Variants in GALNTL6 observed in about 807,000 individuals in gnomAD.
GALNTL6 encodes the protein polypeptide N-acetylgalactosaminyltransferase-like 6.
In GALNTL6, 46 loss-of-function variants were observed where a neutral mutation model predicts 73.7. The ratio of observed to expected loss-of-function variants is 0.62; its 90% CI spans 0.49 to 0.80. The LOEUF (loss-of-function observed/expected upper bound fraction) is 0.80, where lower values mean the gene tolerates loss of function less well. Ranked by LOEUF, GALNTL6 falls within the 30% of genes least tolerant of loss-of-function variation. The pLI is 0.00. For missense variants in GALNTL6, 604 were observed against 755.0 expected (o/e 0.80, Z 2.34); for synonymous variants, 259 against 263.7 (o/e 0.98, Z 0.17).
intron 4 of GALNTL6, among the ~76,000 whole-genome samples, chr4:172,339,685 C>T (rs1032137376): frequency 2.0e-5 from 3 of 152,202 alleles, no homozygotes; most frequent in African/African-American, 7.2e-5. Context: ...CCCAAGTTAG[C>T]TCCAAAGCTG....
chr4:172,782,256 A>G (rs1178658597), intron 5 of GALNTL6, among the ~76,000 whole-genome samples: 17 of 152,230 alleles, frequency 1.1e-4, no homozygotes, highest in Admixed American at 1.1e-3. Context: ...TGATAGATTT[A>G]TAGGCGTATG....
chr4:172,928,572 T>A (rs1238325551), intron 8 of GALNTL6, among the ~76,000 whole-genome samples: 1 of 152,230 alleles, frequency 6.6e-6, no homozygotes, highest in African/African-American at 2.4e-5. Context: ...CATCTAGTGA[T>A]ACAGGAAGTC....
At chr4:172,685,759 C>T (rs539701232) in intron 5 of GALNTL6, among the ~76,000 whole-genome samples, 3 of 151,892 alleles carry the variant, frequency 2.0e-5, no homozygotes, top group East Asian at 1.9e-4. Flanking sequence ...CTCAGCCAGG[C>T]GACTTTAGAA....
At chr4:172,610,592 A>G (rs1294211638) in intron 5 of GALNTL6, among the ~76,000 whole-genome samples, 1 of 151,950 alleles carries the variant, frequency 6.6e-6, no homozygotes, top group Non-Finnish European at 1.5e-5. Context: ...ACTGTTGGGA[A>G]TTGCTTTATG....
chr4:172,782,525 AG>A (rs1739423830), intron 5 of GALNTL6, among the ~76,000 whole-genome samples: 1 of 152,152 alleles, frequency 6.6e-6, no homozygotes, highest in Non-Finnish European at 1.5e-5. Flanking sequence ...ATAAAATGGT[AG>A]AGAAAGTTTT....
intron 5 of GALNTL6, among the ~76,000 whole-genome samples, chr4:172,434,754 T>A (rs1731574272): frequency 6.6e-6 from 1 of 152,158 alleles, no homozygotes; most frequent in Non-Finnish European, 1.5e-5. Flanking sequence ...AATATCTTTC[T>A]GAACTAAGAG....
intron 7 of GALNTL6, among the ~76,000 whole-genome samples, chr4:172,861,459 G>A (rs991253230): frequency 6.6e-6 from 1 of 152,092 alleles, no homozygotes; most frequent in Non-Finnish European, 1.5e-5. Flanking sequence ...TAAGACAACT[G>A]TGGTTACCAT....
In GALNTL6 at chr4:172,060,815, G is replaced by A. The variant is rs1207098596; in HGVS notation, c.139-168841G>A. The stretch of plus-strand genomic sequence containing the variant: ...ATAACATTTTTCTGCGTGGATGAAT[G>A]GCTAATACGTACAATGGAACTGACT... On this transcript the variant is annotated intron_variant, in intron 2 of 12. Coordinates refer to ENST00000506823, the MANE Select transcript of GALNTL6 (RefSeq NM_001034845.3). Among the ~76,000 whole-genome samples the A allele has an allele frequency of 2.0e-5, 3 of 152,090 alleles. No individual in the cohort carries two copies. The East Asian group carries it at 5.8e-4, about 29-fold the overall frequency.
intron 12 of GALNTL6, among the ~76,000 whole-genome samples, chr4:173,033,258 C>A (rs1218121653): frequency 6.6e-6 from 1 of 151,972 alleles, no homozygotes; most frequent in Non-Finnish European, 1.5e-5. Context: ...CCGCCTCGGC[C>A]TCCCAAGGTG....
intron 9 of GALNTL6, among the ~76,000 whole-genome samples, chr4:172,934,043 G>A (rs565650266): frequency 3.9e-5 from 6 of 152,272 alleles, no homozygotes; most frequent in African/African-American, 1.4e-4. Flanking sequence ...TAGTTCTTCA[G>A]TACCTTCTAT....
chr4:172,963,419 A>AT (rs966848547), intron 10 of GALNTL6, among the ~76,000 whole-genome samples: 4 of 152,060 alleles, frequency 2.6e-5, no homozygotes, highest in Admixed American at 6.6e-5. Context: ...CATGTAATTT[A>AT]TTTTTTTATC....
chr4:172,242,984 C>T (rs987238241), intron 3 of GALNTL6, among the ~76,000 whole-genome samples: 2 of 152,184 alleles, frequency 1.3e-5, no homozygotes, highest in Admixed American at 1.3e-4. Context: ...CACTCCTCTG[C>T]TCAAATGCCT....
chr4:172,175,148 C>T (rs1484398906), intron 2 of GALNTL6, among the ~76,000 whole-genome samples: 1 of 151,484 alleles, frequency 6.6e-6, no homozygotes. Context: ...ATGATCTCAG[C>T]TCACTGCACT....
At chr4:172,833,186 A>T (rs1742732379) in intron 7 of GALNTL6, among the ~76,000 whole-genome samples, 1 of 152,214 alleles carries the variant, frequency 6.6e-6, no homozygotes, top group Admixed American at 6.5e-5. Context: ...ACCAGACCAT[A>T]AGCTAAGTAT....
intron 3 of GALNTL6, among the ~76,000 whole-genome samples, chr4:172,278,367 T>A (rs1454203542): frequency 6.6e-6 from 1 of 152,202 alleles, no homozygotes; most frequent in Non-Finnish European, 1.5e-5. Context: ...TTCCAATAAC[T>A]ATAAATTGCC....
intron 3 of GALNTL6, among the ~76,000 whole-genome samples, chr4:172,276,142 G>A (rs144759012): frequency 3.3e-5 from 5 of 152,332 alleles, no homozygotes; most frequent in African/African-American, 1.2e-4. Flanking sequence ...GCCATGGGAA[G>A]TTATGGCCAT....
intron 4 of GALNTL6, among the ~76,000 whole-genome samples, chr4:172,326,622 G>T (rs940827480): frequency 6.6e-6 from 1 of 151,894 alleles, no homozygotes; most frequent in African/African-American, 2.4e-5. Flanking sequence ...GGAAGGAGGT[G>T]GCGATCTGGC....
chr4:171,878,003 C>T (rs1027859920), intron 2 of GALNTL6, among the ~76,000 whole-genome samples: 1 of 152,156 alleles, frequency 6.6e-6, no homozygotes, highest in Admixed American at 6.5e-5. Context: ...TCACATCAAA[C>T]ATTATTCTGT....
At chr4:172,208,594 G>T (rs1736220279) in intron 2 of GALNTL6, among the ~76,000 whole-genome samples, 1 of 152,020 alleles carries the variant, frequency 6.6e-6, no homozygotes. Context: ...AAGCTGGGAG[G>T]CGTTGTGTAT....
Sources: gnomAD v4.1 joint callset for allele counts (sites outside exome capture counted in the v4.1 genomes callset) on GRCh38, gnomAD v4.1.1 for gene constraint, MANE v1.5 for transcripts, NCBI Gene and HGNC (gene_info 2026-07-23, HGNC 2026-07-21) for gene names.